The following FADS6 variants were observed in gnomAD, a reference collection of about 807,000 sequenced individuals.
The protein encoded by FADS6 is fatty acid desaturase 6.
A neutral mutation model predicts 31.7 loss-of-function variants in FADS6; 28 were observed. The observed-to-expected ratio is 0.88, with a 90% CI of 0.66 to 1.21. The LOEUF (loss-of-function observed/expected upper bound fraction) is 1.21. FADS6 is among the 50% of genes most tolerant of loss of function. The probability of loss-of-function intolerance (pLI) is 0.00; values close to 1 mark genes in which losing one functional copy is unlikely to be tolerated. For missense variants in FADS6, 494 were observed against 504.2 expected (o/e 0.98, Z 0.19); for synonymous variants, 191 against 213.1 (o/e 0.90, Z 0.90).
intron 2 of FADS6, among the ~76,000 whole-genome samples, chr17:74,889,643 C>A (rs1337515689): frequency 2.0e-5 from 3 of 150,932 alleles, no homozygotes; most frequent in Non-Finnish European, 4.4e-5. Flanking sequence ...AGGTGGGTGG[C>A]TCACCTGAGC....
At chr17:74,881,732 GA>G (rs35456871) in intron 3 of FADS6, among the ~76,000 whole-genome samples, 2,838 of 112,150 alleles carry the variant, frequency 0.025, 68 homozygotes, top group African/African-American at 0.09. Context: ...GCAAGACTCT[GA>G]AAAAAAAAAA....
chr17:74,880,943 G>A (rs1445271710), intron 4 of FADS6, 125 bp downstream of exon 4: 20 of 997,054 alleles, frequency 2.0e-5, no homozygotes, highest in East Asian at 2.6e-5. Context: ...TGATGAGAGC[G>A]AGAGGGAGGA....
intron 2 of FADS6, among the ~76,000 whole-genome samples, chr17:74,888,145 C>CAT (rs1264505244): frequency 1.8e-5 from 2 of 108,774 alleles, no homozygotes; most frequent in Non-Finnish European, 3.5e-5. Flanking sequence ...CACACACACA[C>CAT]ACACACACAC....
Position 74,877,988 on chromosome 17 carries a change from C to G in FADS6, c.*343G>C. 1 of 1,043,552 alleles carries G rather than the reference C, an allele frequency of 9.6e-7. No homozygotes were observed. The highest frequency in any genetic ancestry group is 1.2e-6 in the Non-Finnish European group (1 of 867,640). The allele number at this position is 1,043,552 out of a possible 1,614,324, so 64.6% of individuals were successfully genotyped here. On this transcript the variant is annotated 3_prime_UTR_variant, in exon 6 of 6. Transcript: ENST00000612771. ...TCCCAGGTGGCCCCTGCACAGGATCCCTCTTCACCCTGTCACCTCCCTTTA... is the reference window on the plus strand; with the variant it reads ...TCCCAGGTGGCCCCTGCACAGGATCGCTCTTCACCCTGTCACCTCCCTTTA...
Position 74,878,181 on chromosome 17 carries a change from G to A in FADS6, c.*150C>T. The A allele has an allele frequency of 2.1e-6, 3 of 1,432,932 alleles. No homozygotes were observed. Among genetic ancestry groups the A allele is most frequent in the Non-Finnish European group, 2.7e-6 (3 of 1,098,756 alleles). The allele number at this position is 1,432,932 out of a possible 1,614,324, so 88.8% of individuals were successfully genotyped here. On this transcript the variant is annotated 3_prime_UTR_variant, in exon 6 of 6. Transcript: ENST00000612771. Reference sequence around the variant, plus strand: ...CAAGGCAGGTGGCCCCCAGACCCCAGGCCTGAGCTCCCCTGCCCCCCTGCC... The same window carrying A: ...CAAGGCAGGTGGCCCCCAGACCCCAAGCCTGAGCTCCCCTGCCCCCCTGCC...
At position 74,893,060 on chromosome 17, in the gene FADS6, C is replaced by T. The variant is rs1308238768; in HGVS notation, c.244+292G>A. Among the ~76,000 whole-genome samples, 5 of 151,936 alleles carry T rather than the reference C, an allele frequency of 3.3e-5. No individual in the cohort carries two copies. The East Asian group carries it at 9.7e-4, about 29-fold the overall frequency. The stretch of plus-strand genomic sequence containing the variant: ...TCCCTTCCCGGGGGTGGGGGGGCAC[C>T]TCATCACTCCCGGCCACTCCCCCGC... On this transcript the variant is annotated intron_variant, in intron 1 of 5. Coordinates refer to ENST00000612771, the MANE Select transcript of FADS6 (RefSeq NM_178128.6).
intron 2 of FADS6, among the ~76,000 whole-genome samples, chr17:74,887,869 G>C (rs945333598): frequency 1.3e-5 from 2 of 152,104 alleles, no homozygotes; most frequent in African/African-American, 4.8e-5. Flanking sequence ...TCATATTTTA[G>C]TACAGACGGG....
chr17:74,891,131 T>TTG, intron 2 of FADS6, among the ~76,000 whole-genome samples: 1 of 149,930 alleles, frequency 6.7e-6, no homozygotes, highest in South Asian at 2.1e-4. Flanking sequence ...TTTTTTTTTT[T>TTG]GAGACAGAGT....
At chr17:74,891,163 G>A (rs2038684212) in intron 2 of FADS6, among the ~76,000 whole-genome samples, 2 of 131,500 alleles carry the variant, frequency 1.5e-5, no homozygotes, top group Middle Eastern at 5.1e-3. Context: ...TCAGCCTCCT[G>A]AGTAGCTGGG....
At chr17:74,876,980 G>A (rs535773637), downstream of FADS6, among the ~76,000 whole-genome samples, 13 of 152,172 alleles carry the variant, frequency 8.5e-5, no homozygotes, top group African/African-American at 2.9e-4. Flanking sequence ...CTGAATCTCA[G>A]TGGTGTCCCC....
At chr17:74,886,460 A>G in intron 2 of FADS6, among the ~76,000 whole-genome samples, 1 of 11,190 alleles carries the variant, frequency 8.9e-5, no homozygotes, top group Non-Finnish European at 1.6e-4. Flanking sequence ...ATCCTGTCTA[A>G]AAAAAAAAAA....
chr17:74,891,736 T>A (rs1414019949), intron 2 of FADS6, among the ~76,000 whole-genome samples: 1 of 152,146 alleles, frequency 6.6e-6, no homozygotes, highest in African/African-American at 2.4e-5. Context: ...TTATATAAAG[T>A]TATATAACTT....
chr17:74,893,004 C>G (rs949430113), intron 1 of FADS6, among the ~76,000 whole-genome samples: 5 of 152,142 alleles, frequency 3.3e-5, no homozygotes, highest in Non-Finnish European at 7.4e-5. Flanking sequence ...CACCCCCTCC[C>G]CACTCACCTA....
Position 74,879,708 on chromosome 17 carries a change from A to T in FADS6, c.781-125T>A. ...CACCTCCCATGTGGGGGGACCTGGT[A>T]GAGGGGCTCCTGGCCCAGCTCCGAT... On this transcript the variant is annotated intron_variant, in intron 4 of 5. Coordinates refer to ENST00000612771, the MANE Select transcript of FADS6 (RefSeq NM_178128.6). 2 of 1,006,200 alleles carry T rather than the reference A, an allele frequency of 2.0e-6. 1 individual carries two copies. The highest frequency in any genetic ancestry group is 3.4e-5 in the South Asian group (2 of 58,420). 62.3% of individuals were successfully genotyped at this position (1,006,200 alleles called of 1,614,324 possible).
Position 74,881,175 on chromosome 17 carries a change from G to C in FADS6, c.673C>G (p.Leu225Val). ...TTGAAGCCTGACACGTTCAGGAGCA[G>C]CCAGTAGTGAGAATAAAGGCCCAGA... ...ISLGLYSHYW[L>V]LLNVSGFKNP... The change falls in exon 4 of 6, where the codon CTG becomes GTG. Residue 225 changes from leucine to valine, a missense_variant. This residue lies in a region of FADS6 where 454 missense variants were observed against 438.5 expected (regional missense o/e 1.04). Transcript: ENST00000612771. 1 of 1,612,944 alleles carries C rather than the reference G, an allele frequency of 6.2e-7. No homozygotes were observed.
In FADS6 at chr17:74,882,967, C is replaced by T. The variant is rs902758676; in HGVS notation, c.412-257G>A. The T allele has an allele frequency of 2.0e-5, 18 of 899,088 alleles. No individual in the cohort carries two copies. The African/African-American group carries it at 2.5e-4, about 13-fold the overall frequency. The allele number at this position is 899,088 out of a possible 1,614,324, so 55.7% of individuals were successfully genotyped here. ...CATTTGGGGGTGGGAGGCTGGACCC[C>T]TGGAGTGCCAATCTGCCAGTGACTG... On this transcript the variant is annotated intron_variant, in intron 2 of 5. Coordinates refer to ENST00000612771, the MANE Select transcript of FADS6 (RefSeq NM_178128.6).
Position 74,892,668 on chromosome 17 carries a change from T to A in FADS6, c.266A>T (p.Glu89Val), listed in dbSNP as rs780401035. ...LPAGFLCLRW[E>V]NALVFASGIT... ...GCCGGATGCAAAGACCAGGGCATTCTCCCAGCGCAGGCACAGGAAGCCTGC... is the reference window on the plus strand; with the variant it reads ...GCCGGATGCAAAGACCAGGGCATTCACCCAGCGCAGGCACAGGAAGCCTGC... Residue 89 changes from glutamate to valine, a missense_variant, in exon 2 of 6, where the codon GAG (glutamate) becomes GTG (valine). This residue lies in a region of FADS6 where 454 missense variants were observed against 438.5 expected (regional missense o/e 1.04). Coordinates refer to ENST00000612771, the MANE Select transcript of FADS6 (RefSeq NM_178128.6). The A allele has an allele frequency of 1.6e-5, 25 of 1,612,580 alleles. No homozygotes were observed. The South Asian group carries it at 2.5e-4, about 16-fold the overall frequency.
chr17:74,879,138 C>G (rs143287860), intron 5 of FADS6: 14 of 411,008 alleles, frequency 3.4e-5, no homozygotes, highest in Non-Finnish European at 5.7e-5. Flanking sequence ...TCTGCAGACT[C>G]AGGTGGTCCT....
At chr17:74,880,395 C>A (rs1182441910) in intron 4 of FADS6, among the ~76,000 whole-genome samples, 1 of 151,944 alleles carries the variant, frequency 6.6e-6, no homozygotes, top group Non-Finnish European at 1.5e-5. Flanking sequence ...CACTGTGTCC[C>A]CCAGGCTGGA....
Sources: gnomAD v4.1 joint callset for allele counts (sites outside exome capture counted in the v4.1 genomes callset) on GRCh38, gnomAD v4.1.1 for gene constraint, gnomAD v4.1.1 regional missense constraint, MANE v1.5 for transcripts, NCBI Gene and HGNC (gene_info 2026-07-23, HGNC 2026-07-21) for gene names.